Variants in SAMD4A observed in about 807,000 individuals in gnomAD.
The protein encoded by SAMD4A is protein Smaug homolog 1.
Under a neutral mutation model 81.3 loss-of-function variants are expected in SAMD4A, and 33 were observed. The ratio of observed to expected loss-of-function variants is 0.41; its 90% confidence interval spans 0.31 to 0.54. The LOEUF (loss-of-function observed/expected upper bound fraction) is 0.54, where lower values mean the gene tolerates loss of function less well. Among genes scored for constraint, SAMD4A ranks in the 20% least tolerant of loss-of-function variants. The pLI is 0.37. For synonymous variants in SAMD4A, 389 were observed against 382.1 expected (o/e 1.02, Z -0.21); for missense variants, 854 against 951.1 (o/e 0.90, Z 1.34).
chr14:54,745,099 A>G (rs1376526229), intron 4 of SAMD4A, among the ~76,000 whole-genome samples: 2 of 152,108 alleles, frequency 1.3e-5, no homozygotes, highest in African/African-American at 4.8e-5. Context: ...CATCATCAGG[A>G]TCTTCCTTAA....
At chr14:54,662,138 C>T (rs1166584349) in intron 2 of SAMD4A, among the ~76,000 whole-genome samples, 1 of 152,180 alleles carries the variant, frequency 6.6e-6, no homozygotes, top group African/African-American at 2.4e-5. Context: ...TCAAACATGT[C>T]TCTCTCTGGA....
intron 4 of SAMD4A, 62 bp downstream of exon 4, chr14:54,737,349 G>GT: frequency 6.3e-7 from 1 of 1,581,598 alleles, no homozygotes; most frequent in African/African-American, 1.4e-5. Context: ...AGACCAGAGG[G>GT]TAAAAAAAGA....
At chr14:54,585,422 T>A (rs1243298079) in intron 2 of SAMD4A, among the ~76,000 whole-genome samples, 1 of 152,180 alleles carries the variant, frequency 6.6e-6, no homozygotes, top group Non-Finnish European at 1.5e-5. Context: ...AACCATGACA[T>A]CATTCTTTTT....
intron 2 of SAMD4A, among the ~76,000 whole-genome samples, chr14:54,599,418 C>T (rs1473932408): frequency 6.6e-6 from 1 of 152,126 alleles, no homozygotes; most frequent in Non-Finnish European, 1.5e-5. Context: ...TCTTTTTAAA[C>T]TCTAGGTAGG....
rs141727231 is a variant in SAMD4A at position 54,741,736 on chromosome 14, G to C, written c.979+4449G>C. On this transcript the variant is annotated intron_variant, in intron 4 of 12. Transcript: ENST00000554335. ...AAGTCAAGGAAAGTTCCTAGAGGAG[G>C]AGAGGCCTAGAGCTGAGTCTCAGAG... is the stretch of plus-strand genomic sequence containing the variant. Among the ~76,000 whole-genome samples the C allele has an allele frequency of 2.0e-5, 3 of 152,336 alleles. No individual in the cohort carries two copies. The East Asian group carries it at 5.8e-4, about 29-fold the overall frequency.
At chr14:54,772,778 C>T (rs1406758791) in intron 9 of SAMD4A, among the ~76,000 whole-genome samples, 1 of 151,698 alleles carries the variant, frequency 6.6e-6, no homozygotes, top group Admixed American at 6.6e-5. Flanking sequence ...GCCAAAATTC[C>T]GACTTCAGAA....
intron 3 of SAMD4A, among the ~76,000 whole-genome samples, chr14:54,720,712 T>A (rs2140858339): frequency 6.6e-6 from 1 of 152,086 alleles, no homozygotes; most frequent in East Asian, 1.9e-4. Context: ...ACAAACCTAT[T>A]TTTTTTTCTG....
At chr14:54,654,749 G>C (rs1010140001) in intron 2 of SAMD4A, among the ~76,000 whole-genome samples, 16 of 152,156 alleles carry the variant, frequency 1.1e-4, no homozygotes, top group Admixed American at 9.8e-4. Flanking sequence ...TTTAGCCACA[G>C]GTCAGCAAAA....
chr14:54,765,377 C>G (rs1294845963), intron 8 of SAMD4A, among the ~76,000 whole-genome samples: 1 of 150,050 alleles, frequency 6.7e-6, no homozygotes, highest in Non-Finnish European at 1.5e-5. Flanking sequence ...AATCCCCACA[C>G]TTTGGGAGGC....
rs2032990047 is a variant in SAMD4A, at chr14:54,567,984, C to T, written c.68C>T (p.Thr23Ile). ...AAGGGCTGGAACGAGTGCGAGCAGACTGTTGCGCTGCTGTCGCTGCTCAAG... is the reference window on the plus strand; with the variant it reads ...AAGGGCTGGAACGAGTGCGAGCAGATTGTTGCGCTGCTGTCGCTGCTCAAG... ...WFKGWNECEQ[T>I]VALLSLLKRV... is the part of the protein sequence containing the mutation. Residue 23 changes from threonine (T) to isoleucine (I), a missense_variant, in exon 2 of 13, where the codon ACT (threonine) becomes ATT (isoleucine). Coordinates refer to ENST00000554335, the MANE Select transcript of SAMD4A (RefSeq NM_015589.6). 2 of 1,610,128 alleles carry T rather than the reference C, an allele frequency of 1.2e-6. No homozygotes were observed. Among genetic ancestry groups the T allele is most frequent in the African/African-American group, 2.7e-5 (2 of 74,826 alleles).
intron 8 of SAMD4A, among the ~76,000 whole-genome samples, chr14:54,769,151 G>A (rs1484835859): frequency 1.3e-5 from 2 of 152,132 alleles, no homozygotes; most frequent in Non-Finnish European, 2.9e-5. Flanking sequence ...GTGACGTGGG[G>A]TCCTCACCAT....
chr14:54,788,051 C>T (rs1594947453), intron 12 of SAMD4A, among the ~76,000 whole-genome samples: 1 of 152,074 alleles, frequency 6.6e-6, no homozygotes, highest in Admixed American at 6.5e-5. Flanking sequence ...TTCTCCAAAA[C>T]GTAGATGTGG....
chr14:54,788,275 G>A (rs2039190801), intron 12 of SAMD4A, among the ~76,000 whole-genome samples: 1 of 152,190 alleles, frequency 6.6e-6, no homozygotes, highest in Non-Finnish European at 1.5e-5. Flanking sequence ...AGGGACGTGG[G>A]TTGAGAAGGA....
chr14:54,659,308 A>G (rs965922579), intron 2 of SAMD4A, among the ~76,000 whole-genome samples: 2 of 152,096 alleles, frequency 1.3e-5, no homozygotes, highest in South Asian at 4.1e-4. Flanking sequence ...GAAATACATC[A>G]TAGTTGGGGA....
chr14:54,753,751 T>C (rs1247827871), intron 6 of SAMD4A, among the ~76,000 whole-genome samples: 6 of 152,174 alleles, frequency 3.9e-5, no homozygotes, highest in Non-Finnish European at 5.9e-5. Flanking sequence ...GCTTCTCACG[T>C]GCACATCCGT....
chr14:54,747,704 A>T (rs1386162917), intron 4 of SAMD4A, among the ~76,000 whole-genome samples: 1 of 152,238 alleles, frequency 6.6e-6, no homozygotes, highest in African/African-American at 2.4e-5. Flanking sequence ...TCCTCATTTT[A>T]TAAGAATTGG....
intron 3 of SAMD4A, among the ~76,000 whole-genome samples, chr14:54,721,373 A>G (rs1014734055): frequency 6.6e-6 from 1 of 152,154 alleles, no homozygotes; most frequent in African/African-American, 2.4e-5. Context: ...AATTATTTCA[A>G]TTTTGAGGGT....
chr14:54,777,405 G>A (rs1042038461), intron 11 of SAMD4A, among the ~76,000 whole-genome samples: 1 of 152,176 alleles, frequency 6.6e-6, no homozygotes, highest in African/African-American at 2.4e-5. Context: ...GTGGAGAGAG[G>A]GAAGGCAGAG....
chr14:54,641,768 G>A (rs781068501), intron 2 of SAMD4A, among the ~76,000 whole-genome samples: 1 of 152,096 alleles, frequency 6.6e-6, no homozygotes, highest in Non-Finnish European at 1.5e-5. Context: ...TTCTACACAG[G>A]CTTTTATCAA....
Sources: allele counts gnomAD v4.1 joint callset (sites outside exome capture counted in the v4.1 genomes callset), GRCh38; gene constraint gnomAD v4.1.1; transcripts MANE v1.5; gene names NCBI Gene and HGNC (gene_info 2026-07-23, HGNC 2026-07-21).